The following SLC25A27 variants were observed in gnomAD, a reference collection of about 807,000 sequenced individuals.
SLC25A27 encodes solute carrier family 25 member 27.
SLC25A27 carries 35 observed loss-of-function variants against 49.1 expected under a neutral mutation model. The observed-to-expected ratio is 0.71, with a 90% CI of 0.54 to 0.95. The LOEUF (loss-of-function observed/expected upper bound fraction) is 0.95. Among genes scored for constraint, SLC25A27 ranks in the 40% least tolerant of loss-of-function variants. The pLI is 0.00. For missense variants in SLC25A27, 339 were observed against 397.1 expected, an observed-to-expected ratio of 0.85 and a Z score of 1.24; for synonymous variants, 144 against 136.9, an observed-to-expected ratio of 1.05 and a Z score of -0.36.
In SLC25A27 at chr6:46,653,263, T is replaced by A; in HGVS notation, c.71T>A (p.Leu24Gln). Reference sequence around the variant, plus strand: ...AGATGGCCCCGAGCGAGCAAATTCCTACTGTCCGGCTGCGCGGCTACCGTG... The same window carrying A: ...AGATGGCCCCGAGCGAGCAAATTCCAACTGTCCGGCTGCGCGGCTACCGTG... Reference protein sequence around the residue: ...TQRWPRASKFLLSGCAATVAE... With the variant: ...TQRWPRASKFQLSGCAATVAE... The change falls in exon 1 of 9, where the codon CTA becomes CAA. Residue 24 changes from leucine (L) to glutamine (Q), a missense_variant. Transcript: ENST00000371347. 1 of 1,613,552 alleles carries A rather than the reference T, an allele frequency of 6.2e-7. No individual in the cohort carries two copies. Among genetic ancestry groups the A allele is most frequent in the Non-Finnish European group, 8.5e-7 (1 of 1,179,706 alleles).
Position 46,653,047 on chromosome 6 carries a change from C to T in SLC25A27, c.-146C>T. The stretch of plus-strand genomic sequence containing the variant: ...GGGACTGCTAGGAAGGTTGCGGGTC[C>T]ACCCGGCCGAGCCGAACGAGGGAAA... On this transcript the variant is annotated 5_prime_UTR_variant, in exon 1 of 9. Transcript: ENST00000371347. The T allele has an allele frequency of 1.4e-6, 1 of 736,640 alleles. No individual in the cohort carries two copies. Among genetic ancestry groups the T allele is most frequent in the Non-Finnish European group, 2.3e-6 (1 of 443,982 alleles). 45.6% of individuals were successfully genotyped at this position (736,640 alleles called of 1,614,324 possible).
chr6:46,664,996 A>G (rs1024144325), intron 5 of SLC25A27, 110 bp downstream of exon 5: 30 of 519,696 alleles, frequency 5.8e-5, no homozygotes, highest in African/African-American at 4.5e-4. Context: ...ATTGGTGACC[A>G]TATATTGTTG....
intron 1 of SLC25A27, chr6:46,654,078 C>T: frequency 1.2e-5 from 12 of 983,320 alleles, no homozygotes; most frequent in Non-Finnish European, 1.4e-5. Flanking sequence ...TTTAAGAGGC[C>T]ATCTAGAGTG....
chr6:46,675,874 C>G (rs185437255), intron 8 of SLC25A27, among the ~76,000 whole-genome samples: 1 of 152,220 alleles, frequency 6.6e-6, no homozygotes, highest in East Asian at 1.9e-4. Context: ...TGTGAGACAT[C>G]AGGTGTTGGT....
At chr6:46,674,217 G>T (rs74579634) in intron 8 of SLC25A27, among the ~76,000 whole-genome samples, 1 of 152,086 alleles carries the variant, frequency 6.6e-6, no homozygotes, top group South Asian at 2.1e-4. Flanking sequence ...TACTTAATAC[G>T]TGCAAAGCTC....
chr6:46,666,366 A>G (rs554368572), intron 5 of SLC25A27, among the ~76,000 whole-genome samples: 7 of 152,296 alleles, frequency 4.6e-5, no homozygotes, highest in African/African-American at 1.7e-4. Flanking sequence ...CCAGACCCTC[A>G]TACGTAGTCA....
intron 4 of SLC25A27, among the ~76,000 whole-genome samples, chr6:46,663,363 C>T (rs933678481): frequency 2.0e-5 from 3 of 152,128 alleles, no homozygotes; most frequent in African/African-American, 4.8e-5. Context: ...CTTCATGTAG[C>T]TGACTCAGTG....
chr6:46,665,312 C>T (rs1480231816), intron 5 of SLC25A27, among the ~76,000 whole-genome samples: 1 of 152,158 alleles, frequency 6.6e-6, no homozygotes, highest in Non-Finnish European at 1.5e-5. Flanking sequence ...GGCTGGAAAC[C>T]TCAATGTTCT....
chr6:46,670,302 A>G, intron 7 of SLC25A27, 75 bp downstream of exon 7: 1 of 925,374 alleles, frequency 1.1e-6, no homozygotes, highest in Non-Finnish European at 1.7e-6. Flanking sequence ...GCATCTCTGC[A>G]TTTTTTATTG....
Position 46,664,877 on chromosome 6 carries a change from A to T in SLC25A27, c.610A>T (p.Asn204Tyr). 1 of 1,556,360 alleles carries T rather than the reference A, an allele frequency of 6.4e-7. No homozygotes were observed. The highest frequency in any genetic ancestry group is 8.7e-7 in the Non-Finnish European group (1 of 1,144,818). ...VPNIQRAALV[N>Y]MGDLTTYDTV... ...CAATATACAAAGAGCAGCACTGGTGAATATGGGAGGTAATGAAAACTTTGT... is the reference window on the plus strand; with the variant it reads ...CAATATACAAAGAGCAGCACTGGTGTATATGGGAGGTAATGAAAACTTTGT... Residue 204 changes from asparagine (N) to tyrosine (Y), a missense_variant, in exon 5 of 9, where the codon AAT becomes TAT. Transcript: ENST00000371347.
At chr6:46,657,780 C>T (rs75825355) in intron 2 of SLC25A27, among the ~76,000 whole-genome samples, 282 of 152,284 alleles carry the variant, frequency 1.9e-3, no homozygotes, top group African/African-American at 6.6e-3. Flanking sequence ...GACCAGGCTA[C>T]TCTGAAAGAG....
rs1486967830 is a variant in SLC25A27 at position 46,671,234 on chromosome 6, G to A, written c.900+6G>A. ...TACCATCTTGGCTGAGAATGGTAAAGTTAGGTTTACTTCCTTTGTTTTTTT... is the reference window on the plus strand; with the variant it reads ...TACCATCTTGGCTGAGAATGGTAAAATTAGGTTTACTTCCTTTGTTTTTTT... On this transcript the variant is annotated splice_donor_region_variant and intron_variant, in intron 8 of 8. Coordinates refer to ENST00000371347, the MANE Select transcript of SLC25A27 (RefSeq NM_004277.5). The A allele has an allele frequency of 6.8e-7, 1 of 1,470,634 alleles. No individual in the cohort carries two copies. The highest frequency in any genetic ancestry group is 1.5e-5 in the African/African-American group (1 of 68,814). The allele number at this position is 1,470,634 out of a possible 1,614,324, so 91.1% of individuals were successfully genotyped here. A position where few individuals can be genotyped will look rare whatever the true frequency, so the allele number is the denominator to read the frequency against.
intron 3 of SLC25A27, among the ~76,000 whole-genome samples, chr6:46,661,240 GAT>G (rs1282096682): frequency 2.1e-4 from 32 of 152,088 alleles, no homozygotes; most frequent in Admixed American, 2.0e-3. Flanking sequence ...GAAAAAATAT[GAT>G]AATGTATGTG....
At position 46,655,902 on chromosome 6, in the gene SLC25A27, G is replaced by A; in HGVS notation, c.166G>A (p.Ala56Thr). The A allele has an allele frequency of 6.2e-7, 1 of 1,613,508 alleles. No individual in the cohort carries two copies. Among genetic ancestry groups the A allele is most frequent in the Non-Finnish European group, 8.5e-7 (1 of 1,179,878 alleles). ...CCAAATGCAAGGAGAAGCAGCTCTT[G>A]CTCGGTTGGGAGACGGTGCAAGAGA... ...RLQMQGEAALARLGDGARESA... is the reference protein window; with the variant it reads ...RLQMQGEAALTRLGDGARESA... Residue 56 changes from alanine to threonine, a missense_variant, in exon 2 of 9, where the codon GCT (alanine) becomes ACT (threonine). Coordinates refer to ENST00000371347, the MANE Select transcript of SLC25A27 (RefSeq NM_004277.5).
At chr6:46,673,311 G>C (rs1040365130) in intron 8 of SLC25A27, among the ~76,000 whole-genome samples, 2 of 152,160 alleles carry the variant, frequency 1.3e-5, no homozygotes, top group Non-Finnish European at 2.9e-5. Context: ...CTCTTTTATA[G>C]AGAAGGAAAC....
At chr6:46,661,481 T>G (rs1254903041) in intron 3 of SLC25A27, among the ~76,000 whole-genome samples, 1 of 152,250 alleles carries the variant, frequency 6.6e-6, no homozygotes, top group Non-Finnish European at 1.5e-5. Context: ...GGGATAGCCT[T>G]TAAGATATGC....
At chr6:46,662,304 G>T in intron 3 of SLC25A27, 72 bp from the exon 4 acceptor site, 1 of 1,356,328 alleles carries the variant, frequency 7.4e-7, no homozygotes, top group South Asian at 1.2e-5. Flanking sequence ...CCCTGTACCA[G>T]CTCAGTATTG....
At chr6:46,663,802 T>C (rs1374114344) in intron 4 of SLC25A27, among the ~76,000 whole-genome samples, 1 of 152,218 alleles carries the variant, frequency 6.6e-6, no homozygotes, top group Non-Finnish European at 1.5e-5. Context: ...AGCCAGTCTT[T>C]ACCATATTTT....
intron 2 of SLC25A27, 41 bp downstream of exon 2, chr6:46,656,075 C>T: frequency 6.6e-7 from 1 of 1,511,502 alleles, no homozygotes; most frequent in Non-Finnish European, 9.0e-7. Flanking sequence ...GTTATGAGTT[C>T]TGTGTTTGTC....
Sources: allele counts gnomAD v4.1 joint callset (sites outside exome capture counted in the v4.1 genomes callset), GRCh38; gene constraint gnomAD v4.1.1; transcripts MANE v1.5; gene names NCBI Gene and HGNC (gene_info 2026-07-23, HGNC 2026-07-21).